The following MALRD1 variants were observed in gnomAD, a reference collection of about 807,000 sequenced individuals.
MALRD1 encodes MAM and LDL-receptor class A domain-containing protein 1.
MALRD1 carries 247 observed loss-of-function variants against 242.1 expected under a neutral mutation model. The observed-to-expected ratio is 1.02, with a 90% CI of 0.92 to 1.13. MALRD1 has a LOEUF of 1.13. Among genes scored for constraint, MALRD1 ranks in the 50% most tolerant of loss-of-function variants. The pLI, the probability that MALRD1 is intolerant of heterozygous loss-of-function variation, is 0.00. For missense variants in MALRD1, 2,989 were observed against 2,533.1 expected (o/e 1.18, Z -3.86); for synonymous variants, 995 against 866.6 (o/e 1.15, Z -2.60).
At chr10:19,713,103 G>A (rs992309123) in intron 38 of MALRD1, among the ~76,000 whole-genome samples, 2 of 151,988 alleles carry the variant, frequency 1.3e-5, no homozygotes, top group Admixed American at 1.3e-4. Context: ...CTGTACAGGG[G>A]AGCTTCTTTC....
intron 21 of MALRD1, among the ~76,000 whole-genome samples, chr10:19,285,897 C>G (rs943837450): frequency 1.1e-5 from 1 of 94,436 alleles, no homozygotes; most frequent in African/African-American, 4.4e-5. Flanking sequence ...ATGGAATGTT[C>G]TTCCATTTGT....
intron 18 of MALRD1, among the ~76,000 whole-genome samples, chr10:19,220,780 T>TA (rs141862512): frequency 0.032 from 4,900 of 152,248 alleles, 116 homozygotes; most frequent in African/African-American, 0.063. Flanking sequence ...TTCCTTGGCA[T>TA]AGTTCAGTAT....
intron 18 of MALRD1, among the ~76,000 whole-genome samples, chr10:19,222,747 G>A (rs1311111126): frequency 1.3e-5 from 2 of 152,030 alleles, no homozygotes; most frequent in African/African-American, 4.8e-5. Context: ...TCTTTTCTCT[G>A]CAAGTTTTTT....
chr10:19,377,049 T>C (rs1201016479), intron 26 of MALRD1, among the ~76,000 whole-genome samples: 1 of 152,232 alleles, frequency 6.6e-6, no homozygotes, highest in African/African-American at 2.4e-5. Context: ...AACAGGATTC[T>C]ATTCCATTCA....
intron 38 of MALRD1, among the ~76,000 whole-genome samples, chr10:19,706,788 A>G (rs1249321878): frequency 6.6e-6 from 1 of 152,170 alleles, no homozygotes; most frequent in Non-Finnish European, 1.5e-5. Context: ...GATTTCATTA[A>G]TGGGCTCCCT....
At chr10:19,501,835 C>A (rs1837986239) in intron 31 of MALRD1, among the ~76,000 whole-genome samples, 1 of 151,426 alleles carries the variant, frequency 6.6e-6, no homozygotes, top group African/African-American at 2.4e-5. Flanking sequence ...AGTTCGAGAC[C>A]AGCCTGGGCA....
chr10:19,553,495 A>G (rs1424441064), intron 32 of MALRD1, among the ~76,000 whole-genome samples: 1 of 152,098 alleles, frequency 6.6e-6, no homozygotes, highest in Admixed American at 6.6e-5. Flanking sequence ...TGTTTTAAAA[A>G]ATTTTATACT....
At chr10:19,157,420 T>G (rs1834201914) in intron 12 of MALRD1, among the ~76,000 whole-genome samples, 1 of 152,028 alleles carries the variant, frequency 6.6e-6, no homozygotes, top group South Asian at 2.1e-4. Context: ...CTAATTTTTT[T>G]GTATTTTTAG....
intron 21 of MALRD1, among the ~76,000 whole-genome samples, chr10:19,305,350 A>T (rs1446547737): frequency 6.6e-6 from 1 of 151,632 alleles, no homozygotes. Flanking sequence ...AAATTATACG[A>T]ATAAGAAATA....
chr10:19,644,080 T>C (rs1218605108), intron 36 of MALRD1, among the ~76,000 whole-genome samples: 1 of 152,222 alleles, frequency 6.6e-6, no homozygotes, highest in Non-Finnish European at 1.5e-5. Context: ...TACTGCTCCA[T>C]CTTTTGTTGC....
intron 26 of MALRD1, among the ~76,000 whole-genome samples, chr10:19,357,093 G>A (rs1844669738): frequency 6.8e-6 from 1 of 146,038 alleles, no homozygotes; most frequent in Non-Finnish European, 1.5e-5. Flanking sequence ...CTGGGCGACA[G>A]AGTGAGACTC....
intron 31 of MALRD1, among the ~76,000 whole-genome samples, chr10:19,507,161 G>T (rs1833179630): frequency 6.6e-6 from 1 of 151,904 alleles, no homozygotes; most frequent in African/African-American, 2.4e-5. Context: ...CATAAGGGAG[G>T]GATCTTCCGC....
intron 26 of MALRD1, among the ~76,000 whole-genome samples, chr10:19,371,448 T>G (rs1025802453): frequency 1.3e-5 from 2 of 151,612 alleles, no homozygotes; most frequent in Admixed American, 6.6e-5. Flanking sequence ...AATCACCTTT[T>G]GAATCTATAC....
rs1285063422 is a variant in MALRD1 at position 19,351,567 on chromosome 10, G to C, written c.4150-439G>C. 3.3e-5 allele frequency among the ~76,000 whole-genome samples: 5 copies of C among 152,158 alleles called. No individual in the cohort carries two copies. In the South Asian group the frequency reaches 8.3e-4, roughly 25 times the overall value. On this transcript the variant is annotated intron_variant, in intron 25 of 39. Transcript: ENST00000454679. ...AAGAATGGCAGTGGAATAAGCAAAAGAAGAAAATAAAATAATTTAAGTTTC... is the reference window on the plus strand; with the variant it reads ...AAGAATGGCAGTGGAATAAGCAAAACAAGAAAATAAAATAATTTAAGTTTC...
chr10:19,349,519 A>G (rs1844279357), intron 25 of MALRD1, among the ~76,000 whole-genome samples: 2 of 152,226 alleles, frequency 1.3e-5, no homozygotes, highest in South Asian at 4.1e-4. Flanking sequence ...AGTTTCAGTG[A>G]CAGAACTTGG....
At chr10:19,221,128 T>C (rs1233740753) in intron 18 of MALRD1, among the ~76,000 whole-genome samples, 5 of 152,056 alleles carry the variant, frequency 3.3e-5, no homozygotes, top group Non-Finnish European at 2.9e-5. Flanking sequence ...TTTTAAAAAA[T>C]GTTGTTTATA....
At chr10:19,564,731 GAATT>G (rs1836176696) in intron 32 of MALRD1, among the ~76,000 whole-genome samples, 1 of 152,040 alleles carries the variant, frequency 6.6e-6, no homozygotes, top group Non-Finnish European at 1.5e-5. Context: ...AATGACATTA[GAATT>G]AATTATTTTT....
intron 19 of MALRD1, among the ~76,000 whole-genome samples, chr10:19,266,143 A>G (rs1839965533): frequency 8.3e-6 from 1 of 121,176 alleles, no homozygotes; most frequent in Non-Finnish European, 1.7e-5. Context: ...ACATTATTGG[A>G]TATTGTTTTT....
At chr10:19,198,904 G>A (rs1348529647) in intron 14 of MALRD1, among the ~76,000 whole-genome samples, 1 of 152,034 alleles carries the variant, frequency 6.6e-6, no homozygotes, top group Non-Finnish European at 1.5e-5. Context: ...AACTATTGAT[G>A]AAGTCTAGAG....
Sources: gnomAD v4.1 joint callset for allele counts (sites outside exome capture counted in the v4.1 genomes callset) on GRCh38, gnomAD v4.1.1 for gene constraint, MANE v1.5 for transcripts, NCBI Gene and HGNC (gene_info 2026-07-23, HGNC 2026-07-21) for gene names.